The following ANGPT1 variants were observed in gnomAD, a reference collection of about 807,000 sequenced individuals.
ANGPT1 encodes angiopoietin 1, also known as angiopoietin-1.
ANGPT1 carries 17 observed loss-of-function variants against 62.2 expected under a neutral mutation model. That is an observed-to-expected ratio of 0.27 (90% confidence interval 0.19 to 0.41). The LOEUF is 0.41. ANGPT1 is among the 10% of genes least tolerant of loss of function. The pLI, the probability that ANGPT1 is intolerant of heterozygous loss-of-function variation, is 1.00. For missense variants in ANGPT1, 478 were observed against 594.9 expected (o/e 0.80, Z 2.04); for synonymous variants, 199 against 198.9 (o/e 1.00, Z 0.00).
chr8:107,272,713 TC>T (rs1813765295), intron 7 of ANGPT1, among the ~76,000 whole-genome samples: 1 of 150,650 alleles, frequency 6.6e-6, no homozygotes, highest in African/African-American at 2.4e-5. Flanking sequence ...CAGAGTGCTC[TC>T]TATTCTGTAC....
chr8:107,303,270 A>C lies in ANGPT1; in HGVS notation c.906T>G (p.Ile302Met). 6.2e-7 allele frequency: 1 copy of C among 1,609,020 alleles called. No homozygotes were observed. Among genetic ancestry groups the C allele is most frequent in the Non-Finnish European group, 8.5e-7 (1 of 1,176,414 alleles). The change falls in exon 5 of 9, where the codon ATT (isoleucine) becomes ATG (methionine). Residue 302 changes from isoleucine (I) to methionine (M), a missense_variant. Transcript: ENST00000517746. Reference protein sequence around the residue: ...AGFNKSGIYTIYINNMPEPKK... With the variant: ...AGFNKSGIYTMYINNMPEPKK... ...TGGGTTCTGGCATATTATTAATATAAATAGTGTAGATTCCACTTTTATTAA... is the reference window on the plus strand; with the variant it reads ...TGGGTTCTGGCATATTATTAATATACATAGTGTAGATTCCACTTTTATTAA...
At chr8:107,256,456 C>A (rs1163715538) in intron 8 of ANGPT1, among the ~76,000 whole-genome samples, 1 of 152,012 alleles carries the variant, frequency 6.6e-6, no homozygotes, top group South Asian at 2.1e-4. Flanking sequence ...TCAATGCAGG[C>A]AAAAGTATAG....
intron 7 of ANGPT1, among the ~76,000 whole-genome samples, chr8:107,281,079 C>T (rs886177068): frequency 1.3e-5 from 2 of 151,888 alleles, no homozygotes; most frequent in African/African-American, 4.8e-5. Context: ...TATTTTCTAT[C>T]TGAGAAAATT....
intron 5 of ANGPT1, among the ~76,000 whole-genome samples, chr8:107,296,966 A>C (rs1220940349): frequency 6.8e-6 from 1 of 148,120 alleles, no homozygotes; most frequent in Non-Finnish European, 1.5e-5. Flanking sequence ...GTCACTCACA[A>C]ATTTTTGAAA....
chr8:107,467,175 G>A (rs1220088413), intron 1 of ANGPT1, among the ~76,000 whole-genome samples: 1 of 151,974 alleles, frequency 6.6e-6, no homozygotes, highest in Admixed American at 6.6e-5. Context: ...ACAAGGAAAT[G>A]ATAAGGTGAT....
rs1429897689 is a variant in ANGPT1 at position 107,264,338 on chromosome 8, C to T, written c.1219G>A (p.Gly407Ser). 1.9e-6 allele frequency: 3 copies of T among 1,613,088 alleles called. No individual in the cohort carries two copies. The highest frequency in any genetic ancestry group is 1.3e-5 in the African/African-American group (1 of 74,830). ...EKQNYRLYLK[G>S]HTGTAGKQSS... The stretch of plus-strand genomic sequence containing the variant: ...TGTTTTCCTGCTGTCCCAGTGTGAC[C>T]TTTTAAATACAACCTGAAGTCAAAA... Residue 407 changes from glycine (G) to serine (S), a missense_variant, in exon 8 of 9, where the codon GGT becomes AGT. By Grantham distance (56) the Gly-to-Ser change is moderately conservative. This residue lies in a region of ANGPT1 where 19 missense variants were observed against 72.9 expected (regional missense o/e 0.26). Coordinates refer to ENST00000517746, the MANE Select transcript of ANGPT1 (RefSeq NM_001146.5).
At chr8:107,469,053 A>C (rs1812277303) in intron 1 of ANGPT1, among the ~76,000 whole-genome samples, 2 of 152,088 alleles carry the variant, frequency 1.3e-5, no homozygotes, top group Non-Finnish European at 2.9e-5. Flanking sequence ...GATATAGGCT[A>C]TAGCAATACA....
chr8:107,409,621 G>C (rs1817218866), intron 1 of ANGPT1, among the ~76,000 whole-genome samples: 1 of 152,066 alleles, frequency 6.6e-6, no homozygotes, highest in Non-Finnish European at 1.5e-5. Context: ...TTCATAGACA[G>C]ACTCTCTAAA....
chr8:107,324,104 TGTTAC>T (rs1182162486), intron 3 of ANGPT1, among the ~76,000 whole-genome samples: 1 of 151,140 alleles, frequency 6.6e-6, no homozygotes. Flanking sequence ...TTTAAGTGGT[TGTTAC>T]GAGTTCAATT....
intron 1 of ANGPT1, among the ~76,000 whole-genome samples, chr8:107,408,781 C>A (rs1480771057): frequency 6.6e-6 from 1 of 152,130 alleles, no homozygotes; most frequent in African/African-American, 2.4e-5. Context: ...CACAATGAGG[C>A]TTTAGAGGCT....
At chr8:107,476,740 A>G (rs1359279826) in intron 1 of ANGPT1, among the ~76,000 whole-genome samples, 1 of 152,174 alleles carries the variant, frequency 6.6e-6, no homozygotes, top group East Asian at 1.9e-4. Context: ...ATATGACACA[A>G]ATGCAGAAAT....
At chr8:107,464,931 T>TG (rs1812164067) in intron 1 of ANGPT1, among the ~76,000 whole-genome samples, 1 of 151,944 alleles carries the variant, frequency 6.6e-6, no homozygotes, top group Non-Finnish European at 1.5e-5. Flanking sequence ...GCCCAACACA[T>TG]GGGGGGATCA....
intron 7 of ANGPT1, among the ~76,000 whole-genome samples, chr8:107,280,242 C>T (rs1158285197): frequency 2.0e-5 from 3 of 151,728 alleles, no homozygotes; most frequent in African/African-American, 7.3e-5. Context: ...CTCTTGTCGC[C>T]CTGACTGGAG....
chr8:107,338,965 G>A (rs1362232218), intron 2 of ANGPT1, among the ~76,000 whole-genome samples: 1 of 152,192 alleles, frequency 6.6e-6, no homozygotes, highest in African/African-American at 2.4e-5. Context: ...ATCATATGCA[G>A]TTAAATGAAA....
rs1354248414 is a variant in ANGPT1 at position 107,352,856 on chromosome 8, T to A, written c.298-5759A>T. 2.6e-5 allele frequency among the ~76,000 whole-genome samples: 4 copies of A among 152,036 alleles called. No homozygotes were observed. In the East Asian group the frequency reaches 7.7e-4, roughly 29 times the overall value. Reference sequence around the variant, plus strand: ...TAAATATGGGAAAGCAATAAAAAGGTAAAACAATGCAAAAAATGCCTTAAA... The same window carrying A: ...TAAATATGGGAAAGCAATAAAAAGGAAAAACAATGCAAAAAATGCCTTAAA... On this transcript the variant is annotated intron_variant, in intron 1 of 8. Coordinates refer to ENST00000517746, the MANE Select transcript of ANGPT1 (RefSeq NM_001146.5).
intron 3 of ANGPT1, among the ~76,000 whole-genome samples, chr8:107,333,938 GAAAGA>G (rs1815484915): frequency 7.6e-6 from 1 of 130,814 alleles, no homozygotes; most frequent in African/African-American, 2.8e-5. Context: ...AAGAAAGAAA[GAAAGA>G]AAAAGAAAGA....
intron 3 of ANGPT1, among the ~76,000 whole-genome samples, chr8:107,325,112 T>C (rs1176306409): frequency 6.6e-6 from 1 of 152,210 alleles, no homozygotes; most frequent in Non-Finnish European, 1.5e-5. Flanking sequence ...TAACTTTTTG[T>C]TGGAGAAGTT....
At chr8:107,353,510 A>G (rs1404398132) in intron 1 of ANGPT1, among the ~76,000 whole-genome samples, 3 of 151,870 alleles carry the variant, frequency 2.0e-5, no homozygotes, top group Non-Finnish European at 4.4e-5. Context: ...TGCTCCATCC[A>G]TTTCAGGGGT....
intron 1 of ANGPT1, among the ~76,000 whole-genome samples, chr8:107,417,608 C>T (rs918460971): frequency 1.3e-5 from 2 of 152,188 alleles, no homozygotes; most frequent in East Asian, 1.9e-4. Context: ...TGTTACCTTT[C>T]CCCCAAATAG....
Sources: gnomAD v4.1 joint callset for allele counts (sites outside exome capture counted in the v4.1 genomes callset) on GRCh38, gnomAD v4.1.1 for gene constraint, gnomAD v4.1.1 regional missense constraint, MANE v1.5 for transcripts, NCBI Gene and HGNC (gene_info 2026-07-23, HGNC 2026-07-21) for gene names.